OPCML: variants seen among roughly 807,000 people sequenced by gnomAD.
OPCML encodes the protein opioid-binding protein/cell adhesion molecule.
Under a neutral mutation model 37.8 loss-of-function variants are expected in OPCML, and 13 were observed. The observed-to-expected ratio is 0.34, with a 90% CI of 0.22 to 0.55. The LOEUF (loss-of-function observed/expected upper bound fraction) is 0.55. Ranked by LOEUF, OPCML falls within the 20% of genes least tolerant of loss-of-function variation. The pLI is 0.91. For synonymous variants in OPCML, 176 were observed against 168.8 expected (o/e 1.04, Z -0.33); for missense variants, 341 against 435.6 (o/e 0.78, Z 1.93).
At chr11:133,412,257 G>T (rs1484333488) in intron 1 of OPCML, among the ~76,000 whole-genome samples, 1 of 152,246 alleles carries the variant, frequency 6.6e-6, no homozygotes, top group Non-Finnish European at 1.5e-5. Flanking sequence ...AGGAGGGGCT[G>T]TGATCTTTAA....
At position 132,539,066 on chromosome 11, in the gene OPCML, A is replaced by G. The variant is rs143759695; in HGVS notation, c.380-9880T>C. Reference sequence around the variant, plus strand: ...TGAAAACATTTTTTGAGTTCCCACTATGAGCCAGACGTTACATTGGAGGTA... The same window carrying G: ...TGAAAACATTTTTTGAGTTCCCACTGTGAGCCAGACGTTACATTGGAGGTA... On this transcript the variant is annotated intron_variant, in intron 3 of 7. Coordinates refer to ENST00000524381, the MANE Select transcript of OPCML (RefSeq NM_001012393.5). Among the ~76,000 whole-genome samples the G allele has an allele frequency of 2.0e-3, 312 of 152,352 alleles. 2 individuals carry two copies. The highest frequency in any genetic ancestry group is 7.2e-3 in the African/African-American group (301 of 41,590).
intron 4 of OPCML, among the ~76,000 whole-genome samples, chr11:132,479,259 T>C (rs1025404125): frequency 1.3e-5 from 2 of 151,990 alleles, no homozygotes; most frequent in African/African-American, 4.8e-5. Context: ...AAGAAAGGGG[T>C]GACAGACGGC....
rs924980686 is a variant in OPCML at position 132,853,019 on chromosome 11, T to G, written c.146+89907A>C. Among the ~76,000 whole-genome samples, 10 of 152,336 alleles carry G rather than the reference T, an allele frequency of 6.6e-5. No individual in the cohort carries two copies. The Middle Eastern group carries it at 0.017, about 259-fold the overall frequency. ...TTTGCCGGCAGGAAAAAAGCAATTGTGTCATCATTTGAATTGTGAGCAGAA... is the reference window on the plus strand; with the variant it reads ...TTTGCCGGCAGGAAAAAAGCAATTGGGTCATCATTTGAATTGTGAGCAGAA... On this transcript the variant is annotated intron_variant, in intron 2 of 7. Transcript: ENST00000524381.
intron 1 of OPCML, among the ~76,000 whole-genome samples, chr11:133,153,114 T>A (rs1176060908): frequency 1.3e-5 from 2 of 151,988 alleles, no homozygotes; most frequent in Non-Finnish European, 2.9e-5. Context: ...GGCATCTGGA[T>A]CAGGACTGAG....
At position 132,976,759 on chromosome 11, in the gene OPCML, C is replaced by T. The variant is rs117674286; in HGVS notation, c.62-33749G>A. On this transcript the variant is annotated intron_variant, in intron 1 of 7. Transcript: ENST00000524381. ...TAAGCCCTAGTTCAGCTACTCTTCTCGGTTTGTTTTTCATTTATTTATTAA... is the reference window on the plus strand; with the variant it reads ...TAAGCCCTAGTTCAGCTACTCTTCTTGGTTTGTTTTTCATTTATTTATTAA... Among the ~76,000 whole-genome samples, 1,101 of 152,054 alleles carry T rather than the reference C, an allele frequency of 7.2e-3. 4 individuals are homozygous for T. Among genetic ancestry groups the T allele is most frequent in the Admixed American group, 0.011 (165 of 15,284 alleles).
At chr11:133,510,903 G>GCA (rs139570053) in intron 1 of OPCML, among the ~76,000 whole-genome samples, 254 of 147,496 alleles carry the variant, frequency 1.7e-3, no homozygotes, top group South Asian at 6.7e-3. Flanking sequence ...ACACACACAC[G>GCA]CACACACACA....
intron 1 of OPCML, among the ~76,000 whole-genome samples, chr11:133,160,057 C>A (rs1346643140): frequency 2.6e-5 from 4 of 152,212 alleles, no homozygotes; most frequent in East Asian, 1.9e-4. Flanking sequence ...TTTATACAAA[C>A]CTGACAGAAA....
At chr11:133,322,663 C>T (rs371318705) in intron 1 of OPCML, among the ~76,000 whole-genome samples, 1 of 152,190 alleles carries the variant, frequency 6.6e-6, no homozygotes, top group African/African-American at 2.4e-5. Context: ...CATATAAATG[C>T]TACCACCAAT....
chr11:132,681,419 G>A (rs1199334897), intron 2 of OPCML, among the ~76,000 whole-genome samples: 1 of 152,180 alleles, frequency 6.6e-6, no homozygotes, highest in Non-Finnish European at 1.5e-5. Context: ...ACATGGGAGA[G>A]AAGCAGCTTG....
intron 3 of OPCML, among the ~76,000 whole-genome samples, chr11:132,554,341 GCA>G (rs2096389437): frequency 6.6e-6 from 1 of 152,188 alleles, no homozygotes; most frequent in Non-Finnish European, 1.5e-5. Context: ...TCAGCCCCTG[GCA>G]CAAGCCTGGT....
At chr11:132,850,725 C>T (rs1203911841) in intron 2 of OPCML, among the ~76,000 whole-genome samples, 1 of 152,126 alleles carries the variant, frequency 6.6e-6, no homozygotes, top group Non-Finnish European at 1.5e-5. Context: ...CCTCCTAAAC[C>T]TCAGTCAACT....
intron 2 of OPCML, among the ~76,000 whole-genome samples, chr11:132,870,060 C>T (rs1474064729): frequency 3.3e-5 from 5 of 152,178 alleles, no homozygotes; most frequent in Non-Finnish European, 7.3e-5. Flanking sequence ...CTACCTACTA[C>T]ACACTAGATT....
chr11:132,494,458 A>G lies in OPCML; in HGVS notation c.505+34603T>C, dbSNP rs2096225093. ...TTTCTTCTATTTTTGACAGGGGAAG[A>G]AAAACAGGGATTTCTTCCCTCCCTA... On this transcript the variant is annotated intron_variant, in intron 4 of 7. Transcript: ENST00000524381. 3.9e-5 allele frequency among the ~76,000 whole-genome samples: 6 copies of G among 152,316 alleles called. No individual in the cohort carries two copies. In the South Asian group the frequency reaches 1.2e-3, roughly 32 times the overall value.
intron 2 of OPCML, among the ~76,000 whole-genome samples, chr11:132,727,487 G>A (rs986090247): frequency 6.6e-6 from 1 of 152,172 alleles, no homozygotes; most frequent in Non-Finnish European, 1.5e-5. Context: ...ATAGCCATGG[G>A]CCTTTCCTGT....
At chr11:133,040,886 C>G (rs770547095) in intron 1 of OPCML, among the ~76,000 whole-genome samples, 1 of 152,070 alleles carries the variant, frequency 6.6e-6, no homozygotes, top group Non-Finnish European at 1.5e-5. Context: ...TTAAAAGCAA[C>G]GATACCTGTA....
intron 3 of OPCML, among the ~76,000 whole-genome samples, chr11:132,614,868 T>C (rs954723823): frequency 6.6e-6 from 1 of 152,236 alleles, no homozygotes; most frequent in African/African-American, 2.4e-5. Flanking sequence ...TTTACGTTTT[T>C]GTCACTGACT....
intron 1 of OPCML, among the ~76,000 whole-genome samples, chr11:133,385,552 C>G (rs1032330850): frequency 1.3e-5 from 2 of 152,102 alleles, no homozygotes; most frequent in African/African-American, 4.8e-5. Context: ...GTGGGGAGGA[C>G]GGGAACACTT....
chr11:133,366,236 A>T (rs777177161), intron 1 of OPCML, among the ~76,000 whole-genome samples: 165 of 152,142 alleles, frequency 1.1e-3, no homozygotes, highest in Non-Finnish European at 5.4e-4. Context: ...ACGAATACAA[A>T]TCCTGCTGTG....
intron 2 of OPCML, among the ~76,000 whole-genome samples, chr11:132,830,823 G>GGAAAT (rs1166064751): frequency 1.3e-5 from 2 of 152,156 alleles, no homozygotes; most frequent in African/African-American, 2.4e-5. Flanking sequence ...AGTGAAAAGG[G>GGAAAT]GAAATATGTT....
Sources: gnomAD v4.1 joint callset for allele counts (sites outside exome capture counted in the v4.1 genomes callset) on GRCh38, gnomAD v4.1.1 for gene constraint, MANE v1.5 for transcripts, NCBI Gene and HGNC (gene_info 2026-07-23, HGNC 2026-07-21) for gene names.